The following RALYL variants were observed in gnomAD, a reference collection of about 807,000 sequenced individuals.
RALYL encodes the protein RNA-binding Raly-like protein.
In RALYL, 29 loss-of-function variants were observed where a neutral mutation model predicts 35.1. The ratio of observed to expected loss-of-function variants is 0.83; its 90% CI spans 0.61 to 1.13. The LOEUF is 1.13. RALYL is among the 50% of genes most tolerant of loss of function. RALYL has a pLI of 0.00. For synonymous variants in RALYL, 120 were observed against 127.6 expected (o/e 0.94, Z 0.40); for missense variants, 359 against 360.4 (o/e 1.00, Z 0.03).
intron 1 of RALYL, among the ~76,000 whole-genome samples, chr8:84,313,311 C>T (rs1586191403): frequency 6.6e-6 from 1 of 152,208 alleles, no homozygotes; most frequent in Non-Finnish European, 1.5e-5. Flanking sequence ...CTGACATGCC[C>T]TGAGACATGT....
At chr8:84,781,547 C>T (rs1563590100) in intron 3 of RALYL, among the ~76,000 whole-genome samples, 1 of 152,108 alleles carries the variant, frequency 6.6e-6, no homozygotes, top group East Asian at 1.9e-4. Flanking sequence ...TCTCTAAGAC[C>T]TTTGTGGTTT....
intron 3 of RALYL, among the ~76,000 whole-genome samples, chr8:84,801,254 C>G (rs184855597): frequency 1.6e-4 from 25 of 152,268 alleles, no homozygotes; most frequent in African/African-American, 4.8e-4. Flanking sequence ...ACTTGGGAGT[C>G]CTGGTACCTT....
At chr8:84,552,353 TA>T (rs2060792059) in intron 2 of RALYL, among the ~76,000 whole-genome samples, 5 of 83,262 alleles carry the variant, frequency 6.0e-5, no homozygotes, top group African/African-American at 2.3e-4. Context: ...TATATATATA[TA>T]TATATTTTTT....
At chr8:84,628,635 T>C (rs1373474098) in intron 2 of RALYL, among the ~76,000 whole-genome samples, 4 of 152,122 alleles carry the variant, frequency 2.6e-5, no homozygotes, top group Admixed American at 2.6e-4. Flanking sequence ...CATAACATTT[T>C]GTTGAGAAAT....
At chr8:84,577,328 A>G (rs544347258) in intron 2 of RALYL, among the ~76,000 whole-genome samples, 19 of 152,356 alleles carry the variant, frequency 1.2e-4, no homozygotes, top group Admixed American at 2.0e-4. Context: ...AGGTGAAACT[A>G]GTGGCAGCTC....
In RALYL at chr8:84,618,077, G is replaced by A. The variant is rs1267502853; in HGVS notation, c.256+88500G>A. On this transcript the variant is annotated intron_variant, in intron 2 of 8. Coordinates refer to ENST00000521268, the MANE Select transcript of RALYL (RefSeq NM_173848.7). ...CTCTTTTTTGGTTGTGTCTCTGCCC[G>A]GCTTTGGTATCAGAGTGATGCTGGC... Among the ~76,000 whole-genome samples, 160 of 151,204 alleles carry A rather than the reference G, an allele frequency of 1.1e-3. 5 individuals are homozygous for A. The highest frequency in any genetic ancestry group is 3.4e-3 in the African/African-American group (141 of 41,010).
Position 84,503,572 on chromosome 8 carries a change from C to T in RALYL, c.-23-25727C>T, listed in dbSNP as rs573459485. Among the ~76,000 whole-genome samples the T allele has an allele frequency of 2.0e-4, 30 of 151,976 alleles. No homozygotes were observed. The South Asian group carries it at 6.0e-3, about 31-fold the overall frequency. ...AGCCTATAGAAAATGAAAGCAAGGC[C>T]GGGCATGGTGGCTCACACCTGTAAT... On this transcript the variant is annotated intron_variant, in intron 1 of 8. Transcript: ENST00000521268.
At chr8:84,449,933 A>G (rs561566404) in intron 1 of RALYL, among the ~76,000 whole-genome samples, 41 of 152,076 alleles carry the variant, frequency 2.7e-4, no homozygotes, top group African/African-American at 9.6e-4. Context: ...TAAGAAATCT[A>G]TAATTCAGGG....
At chr8:84,325,297 C>A (rs1218961214) in intron 1 of RALYL, among the ~76,000 whole-genome samples, 1 of 152,134 alleles carries the variant, frequency 6.6e-6, no homozygotes, top group Non-Finnish European at 1.5e-5. Flanking sequence ...CAATTTCATT[C>A]ACTGAATTAT....
chr8:84,482,617 C>T (rs1290423485), intron 1 of RALYL, among the ~76,000 whole-genome samples: 1 of 152,014 alleles, frequency 6.6e-6, no homozygotes, highest in Non-Finnish European at 1.5e-5. Flanking sequence ...AAACAGAACA[C>T]AGATATCCAA....
At chr8:84,600,504 A>G (rs1184808177) in intron 2 of RALYL, among the ~76,000 whole-genome samples, 1 of 152,082 alleles carries the variant, frequency 6.6e-6, no homozygotes, top group East Asian at 1.9e-4. Context: ...AAAGGTCTGC[A>G]CTTTAAAAAG....
chr8:84,527,488 G>A (rs1282712954), intron 1 of RALYL, among the ~76,000 whole-genome samples: 1 of 152,098 alleles, frequency 6.6e-6, no homozygotes, highest in Admixed American at 6.6e-5. Context: ...GTTTACCCTT[G>A]AAAATAACTC....
In RALYL at chr8:84,352,158, G is replaced by T. The variant is rs928451095; in HGVS notation, c.-24+167734G>T. 4.0e-5 allele frequency among the ~76,000 whole-genome samples: 6 copies of T among 150,096 alleles called. 1 individual carries two copies. Among genetic ancestry groups the T allele is most frequent in the African/African-American group, 1.5e-4 (6 of 40,358 alleles). On this transcript the variant is annotated intron_variant, in intron 1 of 8. Coordinates refer to ENST00000521268, the MANE Select transcript of RALYL (RefSeq NM_173848.7). ...ATTCTTACTTTGTGGGGATATTAAA[G>T]ACTTTTTTTCCCCTCCAATTTGCTA...
intron 2 of RALYL, among the ~76,000 whole-genome samples, chr8:84,549,641 C>A (rs951759976): frequency 1.3e-5 from 2 of 152,174 alleles, no homozygotes; most frequent in Non-Finnish European, 2.9e-5. Flanking sequence ...AATGGAAACA[C>A]CTGATCTAGG....
chr8:84,543,116 T>C (rs2060124619), intron 2 of RALYL, among the ~76,000 whole-genome samples: 1 of 152,158 alleles, frequency 6.6e-6, no homozygotes, highest in Non-Finnish European at 1.5e-5. Flanking sequence ...TTATTAATTA[T>C]ATCTAGAGGC....
At chr8:84,730,739 G>A (rs575642546) in intron 2 of RALYL, among the ~76,000 whole-genome samples, 25 of 152,070 alleles carry the variant, frequency 1.6e-4, no homozygotes, top group African/African-American at 5.8e-4. Context: ...AACAAAACTC[G>A]TAATTTGGGG....
At chr8:84,898,480 AC>A (rs1845133225) in intron 8 of RALYL, among the ~76,000 whole-genome samples, 1 of 152,206 alleles carries the variant, frequency 6.6e-6, no homozygotes, top group Non-Finnish European at 1.5e-5. Flanking sequence ...AAGGCTGAGA[AC>A]CACTGGGATA....
intron 1 of RALYL, among the ~76,000 whole-genome samples, chr8:84,355,512 C>A: frequency 6.6e-6 from 1 of 150,418 alleles, no homozygotes. Flanking sequence ...TATGTACCAG[C>A]ATAAGAGTTT....
chr8:84,585,448 A>C (rs1231857032), intron 2 of RALYL, among the ~76,000 whole-genome samples: 1 of 152,152 alleles, frequency 6.6e-6, no homozygotes, highest in African/African-American at 2.4e-5. Context: ...AATTATGGGA[A>C]TCAGATAACT....
Sources: allele counts gnomAD v4.1 joint callset (sites outside exome capture counted in the v4.1 genomes callset), GRCh38; gene constraint gnomAD v4.1.1; transcripts MANE v1.5; gene names NCBI Gene and HGNC (gene_info 2026-07-23, HGNC 2026-07-21).